SLC35F4: variants seen among roughly 807,000 people sequenced by gnomAD.
SLC35F4 encodes the protein chromosome 14 open reading frame 36.
SLC35F4 carries 24 observed loss-of-function variants against 44.2 expected under a neutral mutation model. That is an observed-to-expected ratio of 0.54 (90% CI 0.39 to 0.76). SLC35F4 has a LOEUF of 0.76. Among genes scored for constraint, SLC35F4 ranks in the 30% least tolerant of loss-of-function variants. The pLI, the probability that SLC35F4 is intolerant of heterozygous loss-of-function variation, is 0.00. For missense variants in SLC35F4, 562 were observed against 586.1 expected, an observed-to-expected ratio of 0.96 and a Z score of 0.42; for synonymous variants, 238 against 223.6, an observed-to-expected ratio of 1.06 and a Z score of -0.57.
chr14:57,645,642 A>C (rs575290013), intron 1 of SLC35F4, among the ~76,000 whole-genome samples: 6 of 151,306 alleles, frequency 4.0e-5, no homozygotes, highest in Admixed American at 1.3e-4. Flanking sequence ...TGCCCTGACC[A>C]GAACTTCCAA....
In SLC35F4 at chr14:57,680,458, C is replaced by T. The variant is rs543714692; in HGVS notation, c.104-86334G>A. Reference sequence around the variant, plus strand: ...AGCTGGAAGCATTCCCTTTGAAAACCGGCACAACACAAGGATGCCCTCTCT... The same window carrying T: ...AGCTGGAAGCATTCCCTTTGAAAACTGGCACAACACAAGGATGCCCTCTCT... On this transcript the variant is annotated intron_variant, in intron 1 of 7. Coordinates refer to ENST00000556826, the MANE Select transcript of SLC35F4 (RefSeq NM_001306087.2). Among the ~76,000 whole-genome samples, 23 of 152,080 alleles carry T rather than the reference C, an allele frequency of 1.5e-4. No individual in the cohort carries two copies. The South Asian group carries it at 1.7e-3, about 11-fold the overall frequency.
intron 1 of SLC35F4, among the ~76,000 whole-genome samples, chr14:57,747,388 C>A (rs78673577): frequency 0.18 from 27,669 of 152,132 alleles, 2,835 homozygotes; most frequent in South Asian, 0.27. Context: ...TGGACTATGT[C>A]TTAAGTATAT....
chr14:57,580,524 A>G, intron 4 of SLC35F4: 1 of 397,256 alleles, frequency 2.5e-6, no homozygotes, highest in Non-Finnish European at 4.9e-6. Flanking sequence ...TTAAATCTTC[A>G]GGGCTTCCCA....
At chr14:57,626,110 G>A (rs926814544) in intron 1 of SLC35F4, among the ~76,000 whole-genome samples, 3 of 146,620 alleles carry the variant, frequency 2.0e-5, no homozygotes, top group African/African-American at 7.6e-5. Context: ...CTCATAAGTG[G>A]GAGTTTAACA....
At chr14:57,683,452 C>A (rs554621119) in intron 1 of SLC35F4, among the ~76,000 whole-genome samples, 125 of 147,634 alleles carry the variant, frequency 8.5e-4, no homozygotes, top group Middle Eastern at 3.6e-3. Flanking sequence ...ATTTTAGGAT[C>A]GCCTTTTCCC....
chr14:57,768,157 G>A lies in SLC35F4; in HGVS notation c.103+97566C>T, dbSNP rs552369055. 3.3e-5 allele frequency among the ~76,000 whole-genome samples: 5 copies of A among 152,232 alleles called. No homozygotes were observed. In the South Asian group the frequency reaches 6.2e-4, roughly 19 times the overall value. On this transcript the variant is annotated intron_variant, in intron 1 of 7. Coordinates refer to ENST00000556826, the MANE Select transcript of SLC35F4 (RefSeq NM_001306087.2). ...CACTTTGTGAGGCCAGTGTTATCATGACACCAACACGAGATAAGACAATAT... is the reference window on the plus strand; with the variant it reads ...CACTTTGTGAGGCCAGTGTTATCATAACACCAACACGAGATAAGACAATAT...
intron 1 of SLC35F4, among the ~76,000 whole-genome samples, chr14:57,964,114 T>C (rs1309302672): frequency 1.3e-5 from 2 of 152,152 alleles, no homozygotes; most frequent in Non-Finnish European, 2.9e-5. Context: ...TCTGTTCTCT[T>C]TACTCAGAGG....
At position 57,865,597 on chromosome 14, in the gene SLC35F4, G is replaced by A. The variant is rs910917196; in HGVS notation, c.103+126C>T. 12 of 700,214 alleles carry A rather than the reference G, an allele frequency of 1.7e-5. No homozygotes were observed. In the African/African-American group the frequency reaches 2.1e-4, roughly 12 times the overall value. 43.4% of individuals were successfully genotyped at this position (700,214 alleles called of 1,614,324 possible). On this transcript the variant is annotated intron_variant, in intron 1 of 7. Coordinates refer to ENST00000556826, the MANE Select transcript of SLC35F4 (RefSeq NM_001306087.2). Reference sequence around the variant, plus strand: ...GGGGGTCCCCGCCGCCAGGAAGGCGGTGTTGACAGCGTCCGCAGGGCTGCA... The same window carrying A: ...GGGGGTCCCCGCCGCCAGGAAGGCGATGTTGACAGCGTCCGCAGGGCTGCA...
intron 1 of SLC35F4, among the ~76,000 whole-genome samples, chr14:57,911,691 T>C (rs1050776168): frequency 2.6e-5 from 4 of 152,056 alleles, no homozygotes; most frequent in Non-Finnish European, 5.9e-5. Context: ...AATTTGCTAT[T>C]ATTTTATTGA....
intron 1 of SLC35F4, among the ~76,000 whole-genome samples, chr14:57,705,483 T>C (rs981055992): frequency 7.9e-5 from 12 of 152,090 alleles, no homozygotes; most frequent in Admixed American, 7.9e-4. Context: ...TGCCCTCCAT[T>C]GACTCTTATG....
chr14:57,686,086 G>A lies in SLC35F4; in HGVS notation c.104-91962C>T, dbSNP rs1594794095. On this transcript the variant is annotated intron_variant, in intron 1 of 7. Transcript: ENST00000556826. Reference sequence around the variant, plus strand: ...TGGTTCTTGGCTGTGTTTGAGATGGGCGAGATTACCAGAAACCTGAGTTCC... The same window carrying A: ...TGGTTCTTGGCTGTGTTTGAGATGGACGAGATTACCAGAAACCTGAGTTCC... Among the ~76,000 whole-genome samples, 3 of 152,142 alleles carry A rather than the reference G, an allele frequency of 2.0e-5. No individual in the cohort carries two copies. In the East Asian group the frequency reaches 5.8e-4, roughly 29 times the overall value.
chr14:57,812,814 T>G (rs1339455939), intron 1 of SLC35F4, among the ~76,000 whole-genome samples: 1 of 152,150 alleles, frequency 6.6e-6, no homozygotes, highest in Non-Finnish European at 1.5e-5. Context: ...AAATACCACA[T>G]GTACAGTATA....
chr14:57,925,819 C>T (rs1363370332), intron 1 of SLC35F4, among the ~76,000 whole-genome samples: 1 of 152,120 alleles, frequency 6.6e-6, no homozygotes, highest in Non-Finnish European at 1.5e-5. Flanking sequence ...ACAAGGTACA[C>T]AATTTGTATT....
rs191173106 is a variant in SLC35F4 at position 57,661,230 on chromosome 14, A to G, written c.104-67106T>C. Among the ~76,000 whole-genome samples the G allele has an allele frequency of 1.2e-3, 187 of 152,236 alleles. 1 individual carries two copies. Among genetic ancestry groups the G allele is most frequent in the African/African-American group, 4.1e-3 (169 of 41,566 alleles). ...TGCCCTTTCAGTCACCTCCAAATTA[A>G]TCAAGAGTTGTGGGGCACACAACTA... On this transcript the variant is annotated intron_variant, in intron 1 of 7. Coordinates refer to ENST00000556826, the MANE Select transcript of SLC35F4 (RefSeq NM_001306087.2).
intron 1 of SLC35F4, among the ~76,000 whole-genome samples, chr14:57,846,689 G>T (rs1171801232): frequency 6.6e-6 from 1 of 152,134 alleles, no homozygotes; most frequent in Non-Finnish European, 1.5e-5. Context: ...GAATTAATAT[G>T]GCTGATGGGA....
At chr14:57,906,572 T>G (rs1383967468) in intron 1 of SLC35F4, among the ~76,000 whole-genome samples, 1 of 152,194 alleles carries the variant, frequency 6.6e-6, no homozygotes, top group Admixed American at 6.5e-5. Flanking sequence ...TGGGAGAATT[T>G]CTACGGAAAA....
intron 1 of SLC35F4, among the ~76,000 whole-genome samples, chr14:57,873,550 T>A (rs1323995277): frequency 6.6e-6 from 1 of 152,108 alleles, no homozygotes; most frequent in Non-Finnish European, 1.5e-5. Flanking sequence ...TAATATTAAG[T>A]GGTGAAAAAA....
chr14:57,730,373 T>G (rs2076314808), intron 1 of SLC35F4, among the ~76,000 whole-genome samples: 1 of 150,216 alleles, frequency 6.7e-6, no homozygotes, highest in African/African-American at 2.4e-5. Context: ...GGTTTTGATT[T>G]GCACTTCCCT....
chr14:57,642,388 A>G (rs2073289285), intron 1 of SLC35F4, among the ~76,000 whole-genome samples: 1 of 152,044 alleles, frequency 6.6e-6, no homozygotes. Context: ...TTTCCACAAC[A>G]TTATAGTTAT....
Sources: gnomAD v4.1 joint callset for allele counts (sites outside exome capture counted in the v4.1 genomes callset) on GRCh38, gnomAD v4.1.1 for gene constraint, MANE v1.5 for transcripts, NCBI Gene and HGNC (gene_info 2026-07-23, HGNC 2026-07-21) for gene names.